TMCO6: variants seen among roughly 807,000 people sequenced by gnomAD.
TMCO6 encodes transmembrane and coiled-coil domains 6, also known as transmembrane and coiled-coil domain-containing protein 6.
TMCO6 carries 47 observed loss-of-function variants against 61.8 expected under a neutral mutation model. The observed-to-expected ratio is 0.76, with a 90% CI of 0.60 to 0.97. The LOEUF (loss-of-function observed/expected upper bound fraction) is 0.97, where lower values mean the gene tolerates loss of function less well. TMCO6 is among the 50% of genes least tolerant of loss of function. TMCO6 has a pLI of 0.00. For missense variants in TMCO6, 557 were observed against 601.6 expected (o/e 0.93, Z 0.78); for synonymous variants, 261 against 254.2 (o/e 1.03, Z -0.25).
chr5:140,640,530 C>T (rs187863528), intron 2 of TMCO6, among the ~76,000 whole-genome samples: 1,948 of 151,916 alleles, frequency 0.013, 30 homozygotes, highest in Non-Finnish European at 0.02. Context: ...CTCAGCCTCC[C>T]GAGTAGCAGG....
rs140516338 is a variant in TMCO6, at chr5:140,643,777, C to G, written c.919-3C>G. ...CACCTGACCCCCCAATTTGTCTTTGCAGCTGGCATGCCCCGTGCTTCGATG... is the reference window on the plus strand; with the variant it reads ...CACCTGACCCCCCAATTTGTCTTTGGAGCTGGCATGCCCCGTGCTTCGATG... On this transcript the variant is annotated splice_polypyrimidine_tract_variant and splice_region_variant and intron_variant, in intron 8 of 11. Coordinates refer to ENST00000394671, the MANE Select transcript of TMCO6 (RefSeq NM_018502.5). 1.2e-6 allele frequency: 2 copies of G among 1,612,958 alleles called. No homozygotes were observed. Among genetic ancestry groups the G allele is most frequent in the Non-Finnish European group, 1.7e-6 (2 of 1,179,056 alleles).
chr5:140,639,565 T>C lies in TMCO6; in HGVS notation c.38T>C (p.Val13Ala). The change falls in exon 1 of 12, where the codon GTC becomes GCC. Residue 13 changes from valine (V) to alanine (A), a missense_variant. Coordinates refer to ENST00000394671, the MANE Select transcript of TMCO6 (RefSeq NM_018502.5). ...SRRQGRLRPTVCGVEELRRRR... is the reference protein window; with the variant it reads ...SRRQGRLRPTACGVEELRRRR... ...CGGCAGGGCCGCCTCAGGCCCACGG[T>C]CTGCGGGGTGGAGGAGCTACGGCGC... The C allele has an allele frequency of 6.5e-7, 1 of 1,548,488 alleles. No individual in the cohort carries two copies. The highest frequency in any genetic ancestry group is 8.7e-7 in the Non-Finnish European group (1 of 1,145,936).
chr5:140,619,359 A>G, the TMCO6 span, among the ~76,000 whole-genome samples: 1 of 152,204 alleles, frequency 6.6e-6, no homozygotes, highest in Non-Finnish European at 1.5e-5. Flanking sequence ...GCAGCCAGAA[A>G]AAAACAAACA....
Position 140,644,095 on chromosome 5 carries a change from T to A in TMCO6, c.1106-5T>A. On this transcript the variant is annotated splice_polypyrimidine_tract_variant and splice_region_variant and intron_variant, in intron 9 of 11. Transcript: ENST00000394671. ...CAGTTTTTCACCCTGGTACTTCTCT[T>A]CCAGCAAACAGTCCTAGTTTCTGTA... The A allele has an allele frequency of 6.2e-7, 1 of 1,614,158 alleles. No individual in the cohort carries two copies. The highest frequency in any genetic ancestry group is 8.5e-7 in the Non-Finnish European group (1 of 1,179,992).
chr5:140,604,977 G>A, the TMCO6 span, among the ~76,000 whole-genome samples: 1 of 151,964 alleles, frequency 6.6e-6, no homozygotes, highest in African/African-American at 2.4e-5. Flanking sequence ...AACATTGAAG[G>A]GATGTCTTTC....
intron 7 of TMCO6, 30 bp from the exon 8 acceptor site, chr5:140,643,534 C>A (rs562616047): frequency 3.1e-6 from 5 of 1,594,044 alleles, no homozygotes; most frequent in Non-Finnish European, 4.3e-6. Context: ...TGACTATATA[C>A]CTAGGGACTG....
upstream of TMCO6, among the ~76,000 whole-genome samples, chr5:140,638,328 C>A (rs986329676): frequency 6.6e-6 from 1 of 152,138 alleles, no homozygotes; most frequent in Non-Finnish European, 1.5e-5. Context: ...CTGTAATGAA[C>A]TAGAAAGTTA....
At chr5:140,630,136 G>A in the TMCO6 span, among the ~76,000 whole-genome samples, 15 of 151,648 alleles carry the variant, frequency 9.9e-5, no homozygotes, top group East Asian at 2.8e-3. Flanking sequence ...TGGGATTACA[G>A]ACACATGCCA....
the TMCO6 span, chr5:140,632,612 C>T: frequency 9.3e-6 from 15 of 1,613,960 alleles, no homozygotes; most frequent in East Asian, 8.9e-5. The surrounding 1 kb of genome is among the most constrained non-coding windows in gnomAD (Gnocchi z 6.2). Context: ...TCTTTAGGTC[C>T]TCGAGCGTCA....
chr5:140,612,590 C>T, the TMCO6 span, among the ~76,000 whole-genome samples: 6 of 152,090 alleles, frequency 3.9e-5, no homozygotes, highest in Admixed American at 6.5e-5. Context: ...CCACCCGCCT[C>T]GGCCTCCCAA....
upstream of TMCO6, among the ~76,000 whole-genome samples, chr5:140,634,711 A>G (rs1756725375): frequency 1.3e-5 from 2 of 152,062 alleles, no homozygotes; most frequent in Admixed American, 6.6e-5. Context: ...TCCTGACCTC[A>G]GGTGATCCGC....
At chr5:140,616,069 T>C in the TMCO6 span, among the ~76,000 whole-genome samples, 1 of 151,594 alleles carries the variant, frequency 6.6e-6, no homozygotes, top group East Asian at 1.9e-4. Context: ...GAGGTGGAGG[T>C]TGCAGTGAGC....
intron 7 of TMCO6, 23 bp from the exon 8 acceptor site, chr5:140,643,541 A>G: frequency 6.2e-7 from 1 of 1,603,228 alleles, no homozygotes; most frequent in South Asian, 1.1e-5. Flanking sequence ...ATACCTAGGG[A>G]CTGCTTGCTT....
At chr5:140,631,187 G>T in the TMCO6 span, among the ~76,000 whole-genome samples, 1 of 152,160 alleles carries the variant, frequency 6.6e-6, no homozygotes, top group African/African-American at 2.4e-5. Flanking sequence ...ATGTCGGGGA[G>T]TGACACAGTG....
the TMCO6 span, among the ~76,000 whole-genome samples, chr5:140,602,589 C>A: frequency 6.6e-6 from 1 of 151,912 alleles, no homozygotes. Context: ...CATAGCCAAA[C>A]CCCATCTCTA....
chr5:140,615,858 T>A, the TMCO6 span, among the ~76,000 whole-genome samples: 25 of 152,282 alleles, frequency 1.6e-4, no homozygotes, highest in African/African-American at 6.0e-4. Flanking sequence ...TAAGGCTAGG[T>A]GCAGTGGCTC....
chr5:140,600,234 T>C, the TMCO6 span, among the ~76,000 whole-genome samples: 1 of 152,186 alleles, frequency 6.6e-6, no homozygotes, highest in South Asian at 2.1e-4. Context: ...TCCCTGCAAA[T>C]GGGAATTCTC....
Position 140,642,678 on chromosome 5 carries a change from A to T in TMCO6, c.689+7A>T. Reference sequence around the variant, plus strand: ...CTCCAGAGAAGATCATTCCGTGAGTAAAATTGTCTTTAGATGTGCAGCCAG... The same window carrying T: ...CTCCAGAGAAGATCATTCCGTGAGTTAAATTGTCTTTAGATGTGCAGCCAG... On this transcript the variant is annotated splice_region_variant and intron_variant, in intron 6 of 11. Transcript: ENST00000394671. The T allele has an allele frequency of 6.2e-7, 1 of 1,614,120 alleles. No homozygotes were observed. The highest frequency in any genetic ancestry group is 8.5e-7 in the Non-Finnish European group (1 of 1,180,016).
upstream of TMCO6, chr5:140,638,887 T>A (rs1041635700): frequency 3.9e-5 from 6 of 152,332 alleles, no homozygotes; most frequent in African/African-American, 1.4e-4. Flanking sequence ...TGAACTGAAG[T>A]CTCATATCTC....
Sources: allele counts gnomAD v4.1 joint callset (sites outside exome capture counted in the v4.1 genomes callset), GRCh38; gene constraint gnomAD v4.1.1; non-coding constraint Gnocchi (gnomAD v3.1); transcripts MANE v1.5; gene names NCBI Gene and HGNC (gene_info 2026-07-23, HGNC 2026-07-21).